KHDC4: variants seen among roughly 807,000 people sequenced by gnomAD.
KHDC4 encodes the protein KH homology domain-containing protein 4.
A neutral mutation model predicts 74.5 loss-of-function variants in KHDC4; 19 were observed. The ratio of observed to expected loss-of-function variants is 0.26; its 90% confidence interval spans 0.18 to 0.37. KHDC4 has a LOEUF of 0.37. Among genes scored for constraint, KHDC4 ranks in the 10% least tolerant of loss-of-function variants. The probability of loss-of-function intolerance (pLI) is 1.00; values close to 1 mark genes in which losing one functional copy is unlikely to be tolerated. For missense variants in KHDC4, 632 were observed against 754.1 expected (o/e 0.84, Z 1.90); for synonymous variants, 253 against 266.1 (o/e 0.95, Z 0.48).
intron 1 of KHDC4, 145 bp downstream of exon 1, chr1:155,934,191 G>A: frequency 3.2e-6 from 3 of 930,654 alleles, no homozygotes; most frequent in Non-Finnish European, 3.2e-6. Context: ...AGGGCCCCAG[G>A]CCTGCTCAAG....
chr1:155,918,296 T>C (rs1673777857), intron 10 of KHDC4, among the ~76,000 whole-genome samples: 1 of 152,134 alleles, frequency 6.6e-6, no homozygotes, highest in African/African-American at 2.4e-5. Context: ...TGGAGTGCAA[T>C]GGTGCCAACT....
chr1:155,927,057 C>G, intron 5 of KHDC4, 47 bp downstream of exon 5: 1 of 1,564,730 alleles, frequency 6.4e-7, no homozygotes, highest in East Asian at 2.2e-5. Context: ...GAGCCCTGTA[C>G]TTTGCTCTTC....
chr1:155,920,502 C>T (rs1450809165), intron 10 of KHDC4, among the ~76,000 whole-genome samples: 2 of 152,076 alleles, frequency 1.3e-5, no homozygotes, highest in African/African-American at 4.8e-5. Context: ...CATTTATAAT[C>T]CTTACATTTG....
intron 10 of KHDC4, 134 bp downstream of exon 10, chr1:155,921,241 G>C: frequency 9.9e-7 from 1 of 1,007,222 alleles, no homozygotes; most frequent in Middle Eastern, 2.1e-4. Flanking sequence ...GTAGGTTGGT[G>C]GTAGGAACAC....
intron 13 of KHDC4, 24 bp from the exon 14 acceptor site, chr1:155,914,344 C>G (rs1198019279): frequency 1.4e-5 from 22 of 1,545,454 alleles, no homozygotes; most frequent in Admixed American, 8.8e-5. Flanking sequence ...AAAACAACCC[C>G]AACCCCATCC....
At position 155,917,611 on chromosome 1, in the gene KHDC4, G is replaced by C; in HGVS notation, c.1328C>G (p.Pro443Arg). The C allele has an allele frequency of 6.2e-6, 10 of 1,601,968 alleles. No homozygotes were observed. Among genetic ancestry groups the C allele is most frequent in the Non-Finnish European group, 8.5e-6 (10 of 1,175,060 alleles). ...APVKTALPAGPQPQPQPQPPL... is the reference protein window; with the variant it reads ...APVKTALPAGRQPQPQPQPPL... ...GGGCTGGGGCTGGGGCTGGGGCTGG[G>C]GGCCAGCAGGCAAGGCAGTTTTGAC... Residue 443 changes from proline to arginine, a missense_variant, in exon 11 of 14, where the codon CCC (proline) becomes CGC (arginine). Pro to Arg is a moderately radical substitution (Grantham distance 103). This residue lies in a region of KHDC4 where 254 missense variants were observed against 267.4 expected (regional missense o/e 0.95). Transcript: ENST00000368321.
At chr1:155,919,536 C>T (rs12026057) in intron 10 of KHDC4, among the ~76,000 whole-genome samples, 41,260 of 151,704 alleles carry the variant, frequency 0.27, 6,375 homozygotes, top group East Asian at 0.75. Context: ...TTAGGCCGGG[C>T]GCGGTGGCTC....
intron 7 of KHDC4, among the ~76,000 whole-genome samples, chr1:155,925,427 G>C (rs1445380573): frequency 6.6e-6 from 1 of 151,906 alleles, no homozygotes; most frequent in Non-Finnish European, 1.5e-5. Context: ...TTGGCCTCCA[G>C]AAGTGTTGGG....
chr1:155,922,163 T>G (rs1447086512), intron 8 of KHDC4: 1 of 309,586 alleles, frequency 3.2e-6, no homozygotes, highest in Admixed American at 5.8e-5. Context: ...TTTTTTTTTT[T>G]TTGAGACAGT....
At chr1:155,927,212 T>G in intron 4 of KHDC4, 56 bp from the exon 5 acceptor site, 1 of 1,280,188 alleles carries the variant, frequency 7.8e-7, no homozygotes, top group Non-Finnish European at 1.1e-6. Context: ...AAAAAAGGAG[T>G]CAAATGGGTC....
intron 8 of KHDC4, among the ~76,000 whole-genome samples, chr1:155,922,248 C>G (rs983881625): frequency 4.0e-5 from 6 of 150,624 alleles, no homozygotes; most frequent in Admixed American, 6.7e-5. Context: ...ACGGTTTAAG[C>G]GATTCTCCTG....
chr1:155,916,683 T>A lies in KHDC4; in HGVS notation c.1495A>T (p.Ile499Phe). 1 of 1,614,060 alleles carries A rather than the reference T, an allele frequency of 6.2e-7. No homozygotes were observed. The highest frequency in any genetic ancestry group is 8.5e-7 in the Non-Finnish European group (1 of 1,180,010). The part of the protein sequence containing the change: ...LGTGFSSQNE[I>F]EGAGSKPASS... ...GCTGGCTTCGATCCTGCACCTTCAATCTCATTCTGACTGGAGAAGCCTGTA... is the reference window on the plus strand; with the variant it reads ...GCTGGCTTCGATCCTGCACCTTCAAACTCATTCTGACTGGAGAAGCCTGTA... The change falls in exon 12 of 14, where the codon ATT becomes TTT. Residue 499 changes from isoleucine to phenylalanine, a missense_variant. Around this residue, in one of 4 missense-constraint regions of KHDC4, gnomAD observed 254 missense variants for 267.4 expected, o/e 0.95. Transcript: ENST00000368321.
chr1:155,925,567 A>T, intron 7 of KHDC4, 65 bp downstream of exon 7: 1 of 1,300,578 alleles, frequency 7.7e-7, no homozygotes, highest in Non-Finnish European at 1.1e-6. Flanking sequence ...CTCCTTCTGA[A>T]TCACTCCTGA....
intron 1 of KHDC4, 145 bp downstream of exon 1, chr1:155,934,191 G>T: frequency 1.1e-6 from 1 of 930,654 alleles, no homozygotes; most frequent in Non-Finnish European, 1.6e-6. Context: ...AGGGCCCCAG[G>T]CCTGCTCAAG....
Position 155,925,817 on chromosome 1 carries a change from A to G in KHDC4, c.708T>C (p.Phe236=). 1.2e-6 allele frequency: 2 copies of G among 1,613,472 alleles called. No homozygotes were observed. Among genetic ancestry groups the G allele is most frequent in the Non-Finnish European group, 1.7e-6 (2 of 1,179,352 alleles). The change falls in exon 7 of 14, where the codon TTT becomes TTC. Residue 236 remains phenylalanine (F), a synonymous_variant. Transcript: ENST00000368321. The stretch of plus-strand genomic sequence containing the variant: ...TGGGTACAGCATGTTCTAGACCCAC[A>G]AATAATTTATCTTGAACATAATGCA... ...SGMHYVQDKL[F]VGLEHAVPTF... is the part of the protein sequence containing the mutation.
intron 11 of KHDC4, among the ~76,000 whole-genome samples, chr1:155,917,287 G>A (rs1367239609): frequency 6.6e-6 from 1 of 152,086 alleles, no homozygotes; most frequent in East Asian, 1.9e-4. Flanking sequence ...CCACATACTG[G>A]TAGATCAAGA....
At position 155,929,491 on chromosome 1, in the gene KHDC4, G is replaced by A. The variant is rs746732946; in HGVS notation, c.385-116C>T. 3 of 1,026,838 alleles carry A rather than the reference G, an allele frequency of 2.9e-6. No individual in the cohort carries two copies. The South Asian group carries it at 4.6e-5, about 16-fold the overall frequency. 63.6% of individuals were successfully genotyped at this position (1,026,838 alleles called of 1,614,324 possible). On this transcript the variant is annotated intron_variant, in intron 3 of 13. Transcript: ENST00000368321. ...GTAAAGAAGGAAAGAATTCTCTCCT[G>A]TATCTGAAATTTTGATTCCATGGTT...
chr1:155,921,839 A>C, intron 9 of KHDC4, 22 bp downstream of exon 9: 1 of 1,569,486 alleles, frequency 6.4e-7, no homozygotes, highest in Non-Finnish European at 8.7e-7. Flanking sequence ...AATATTTTTT[A>C]AACACTTCAA....
chr1:155,927,803 CAAAAAAAAA>C (rs1157393289), intron 4 of KHDC4, among the ~76,000 whole-genome samples: 10 of 8,146 alleles, frequency 1.2e-3, no homozygotes, highest in Admixed American at 3.5e-3. Flanking sequence ...ACTCTGTCTC[CAAAAAAAAA>C]AAAAAAAAAA....
Sources: allele counts gnomAD v4.1 joint callset (sites outside exome capture counted in the v4.1 genomes callset), GRCh38; gene constraint gnomAD v4.1.1; regional missense constraint gnomAD v4.1.1; transcripts MANE v1.5; gene names NCBI Gene and HGNC (gene_info 2026-07-23, HGNC 2026-07-21).